Variants in SERTM1 observed in about 807,000 individuals in gnomAD.
SERTM1 encodes serine rich and transmembrane domain containing 1.
In SERTM1, 1 loss-of-function variant was observed where a neutral mutation model predicts 5.5. That is an observed-to-expected ratio of 0.18 (90% CI 0.06 to 0.86). The LOEUF is 0.86. Among genes scored for constraint, SERTM1 ranks in the 40% least tolerant of loss-of-function variants. The pLI, the probability that SERTM1 is intolerant of heterozygous loss-of-function variation, is 0.69. For missense variants in SERTM1, 91 were observed against 122.4 expected, an observed-to-expected ratio of 0.74 and a Z score of 1.21; for synonymous variants, 52 against 55.1, an observed-to-expected ratio of 0.94 and a Z score of 0.25.
At chr13:36,681,599 T>C (rs1413641283) in intron 1 of SERTM1, among the ~76,000 whole-genome samples, 1 of 152,198 alleles carries the variant, frequency 6.6e-6, no homozygotes, top group African/African-American at 2.4e-5. Context: ...TCCCCTACAA[T>C]GATCATGAAG....
intron 1 of SERTM1, among the ~76,000 whole-genome samples, chr13:36,681,760 G>A (rs1394409091): frequency 1.3e-5 from 2 of 152,330 alleles, no homozygotes; most frequent in Non-Finnish European, 2.9e-5. Context: ...TTCAGCCAGA[G>A]CTTCATAGTC....
chr13:36,697,312 A>AATATATATATATATATATAT lies in SERTM1; in HGVS notation c.*1916_*1935dup, dbSNP rs57478418. On this transcript the variant is annotated 3_prime_UTR_variant, in exon 2 of 2. Transcript: ENST00000315190. ...ATACGCACACACACACACACACATA[A>AATATATATATATATATATAT]ATATATATATATATATATATATATA... 2.7e-4 allele frequency: 39 copies of AATATATATATATATATATAT among 143,824 alleles called. No homozygotes were observed. Among genetic ancestry groups the AATATATATATATATATATAT allele is most frequent in the African/African-American group, 1.0e-3 (37 of 36,208 alleles). 8.9% of individuals were successfully genotyped at this position (143,824 alleles called of 1,614,324 possible). A position where few individuals can be genotyped will look rare whatever the true frequency, so the allele number is the denominator to read the frequency against.
At position 36,695,992 on chromosome 13, in the gene SERTM1, T is replaced by C. The variant is rs1214815252; in HGVS notation, c.*590T>C. 4.2e-5 allele frequency: 7 copies of C among 167,138 alleles called. No individual in the cohort carries two copies. Among genetic ancestry groups the C allele is most frequent in the Non-Finnish European group, 1.0e-4 (7 of 68,184 alleles). 10.4% of individuals were successfully genotyped at this position (167,138 alleles called of 1,614,324 possible). A position where few individuals can be genotyped will look rare whatever the true frequency, so the allele number is the denominator to read the frequency against. On this transcript the variant is annotated 3_prime_UTR_variant, in exon 2 of 2. Coordinates refer to ENST00000315190, the MANE Select transcript of SERTM1 (RefSeq NM_203451.3). ...ACACTTATTGATGAATGTAAGTCAT[T>C]TGGGAAAGTTTTGGAAGAGTTTACA...
Position 36,685,901 on chromosome 13 carries a change from T to G in SERTM1, c.-173-9005T>G, listed in dbSNP as rs140543716. ...TGAACCTGGACCACGCTGGCTCTTG[T>G]GGGTTCTCCCTGATCTTCTCACAGA... On this transcript the variant is annotated intron_variant, in intron 1 of 1. Coordinates refer to ENST00000315190, the MANE Select transcript of SERTM1 (RefSeq NM_203451.3). Among the ~76,000 whole-genome samples, 865 of 152,300 alleles carry G rather than the reference T, an allele frequency of 5.7e-3. 23 individuals carry two copies. The highest frequency in any genetic ancestry group is 0.039 in the Admixed American group (601 of 15,296).
chr13:36,691,455 G>A (rs2056777932), intron 1 of SERTM1, among the ~76,000 whole-genome samples: 1 of 152,150 alleles, frequency 6.6e-6, no homozygotes, highest in African/African-American at 2.4e-5. Flanking sequence ...CTTCACTAGG[G>A]GACTGCTTTT....
At position 36,695,417 on chromosome 13, in the gene SERTM1, TC is replaced by T; in HGVS notation, c.*17del. ...TTTCATCCTGAGGAAAATGGAAGAG[TC>T]CTTGAGTGTGGCAGCAGTTTTGACA... On this transcript the variant is annotated 3_prime_UTR_variant, in exon 2 of 2. Coordinates refer to ENST00000315190, the MANE Select transcript of SERTM1 (RefSeq NM_203451.3). 6.3e-7 allele frequency: 1 copy of T among 1,595,358 alleles called. No homozygotes were observed. Among genetic ancestry groups the T allele is most frequent in the Non-Finnish European group, 8.6e-7 (1 of 1,167,346 alleles).
intron 1 of SERTM1, among the ~76,000 whole-genome samples, chr13:36,685,949 T>C (rs2056738324): frequency 6.6e-6 from 1 of 152,192 alleles, no homozygotes. Flanking sequence ...TGGTCCTCAT[T>C]AGAAAACTGC....
chr13:36,674,152 C>A lies in SERTM1; in HGVS notation c.-206C>A, dbSNP rs2056655233. The stretch of plus-strand genomic sequence containing the variant: ...ACCGCCCCACCGCTAGCGCAGGAGA[C>A]CTGCCGGGGAAGTCGCGTGTCCTGA... On this transcript the variant is annotated 5_prime_UTR_variant, in exon 1 of 2. Transcript: ENST00000315190. The A allele has an allele frequency of 6.6e-6, 1 of 152,274 alleles. No individual in the cohort carries two copies. Among genetic ancestry groups the A allele is most frequent in the South Asian group, 2.1e-4 (1 of 4,832 alleles). 9.4% of individuals were successfully genotyped at this position (152,274 alleles called of 1,614,324 possible). A position where few individuals can be genotyped will look rare whatever the true frequency, so the allele number is the denominator to read the frequency against.
chr13:36,693,209 T>A (rs2056790782), intron 1 of SERTM1, among the ~76,000 whole-genome samples: 1 of 152,214 alleles, frequency 6.6e-6, no homozygotes, highest in South Asian at 2.1e-4. Context: ...TTGAACATTT[T>A]AAATAGTTTT....
At chr13:36,684,251 C>A (rs552852743) in intron 1 of SERTM1, among the ~76,000 whole-genome samples, 1 of 151,880 alleles carries the variant, frequency 6.6e-6, no homozygotes, top group South Asian at 2.1e-4. Context: ...GAGCTGAGAT[C>A]GCACCACTGC....
chr13:36,683,754 TAA>T (rs2056721505), intron 1 of SERTM1, among the ~76,000 whole-genome samples: 1 of 152,138 alleles, frequency 6.6e-6, no homozygotes, highest in East Asian at 1.9e-4. Flanking sequence ...TTGGTCAAAA[TAA>T]GTCATACAGT....
chr13:36,676,907 C>T (rs1442897894), intron 1 of SERTM1, among the ~76,000 whole-genome samples: 1 of 152,182 alleles, frequency 6.6e-6, no homozygotes, highest in East Asian at 1.9e-4. Flanking sequence ...TTCCTTTTAG[C>T]CAACATGTGT....
Position 36,697,396 on chromosome 13 carries a change from T to C in SERTM1, c.*1994T>C, listed in dbSNP as rs1233365807. The C allele has an allele frequency of 6.0e-6, 1 of 165,932 alleles. No homozygotes were observed. The highest frequency in any genetic ancestry group is 1.5e-5 in the Non-Finnish European group (1 of 67,968). The allele number at this position is 165,932 out of a possible 1,614,324, so 10.3% of individuals were successfully genotyped here. Reference sequence around the variant, plus strand: ...AGCTACACAGGATTACAGAGGCATCTATATTATCACTTTTGCTCTTTGACT... The same window carrying C: ...AGCTACACAGGATTACAGAGGCATCCATATTATCACTTTTGCTCTTTGACT... On this transcript the variant is annotated 3_prime_UTR_variant, in exon 2 of 2. Coordinates refer to ENST00000315190, the MANE Select transcript of SERTM1 (RefSeq NM_203451.3).
rs770798198 is a variant in SERTM1, at chr13:36,695,187, C to A, written c.109C>A (p.His37Asn). ...CACGTCAGTGGACCCATCCTCAGGC[C>A]ACCTGTCAAACGTCTACATCTATGT... ...LSTSVDPSSG[H>N]LSNVYIYVSI... The change falls in exon 2 of 2, where the codon CAC (histidine) becomes AAC (asparagine). Residue 37 changes from histidine to asparagine, a missense_variant. Physicochemically the swap from His to Asn is moderately conservative, Grantham distance 68. Coordinates refer to ENST00000315190, the MANE Select transcript of SERTM1 (RefSeq NM_203451.3). 1.2e-6 allele frequency: 2 copies of A among 1,614,190 alleles called. No individual in the cohort carries two copies. The highest frequency in any genetic ancestry group is 1.7e-6 in the Non-Finnish European group (2 of 1,180,000).
At chr13:36,693,646 T>G (rs192401255) in intron 1 of SERTM1, among the ~76,000 whole-genome samples, 13 of 152,198 alleles carry the variant, frequency 8.5e-5, no homozygotes, top group Admixed American at 3.3e-4. Flanking sequence ...CAGTGGCAAA[T>G]GTCAACCCCT....
At position 36,697,813 on chromosome 13, in the gene SERTM1, T is replaced by C. The variant is rs1436240655; in HGVS notation, c.*2411T>C. On this transcript the variant is annotated 3_prime_UTR_variant, in exon 2 of 2. Coordinates refer to ENST00000315190, the MANE Select transcript of SERTM1 (RefSeq NM_203451.3). ...TCAGAAAGGTTGGAAGATGGGTTTA[T>C]AAATAAAGAAGTGGAGTCCATTGAA... 6.0e-6 allele frequency: 1 copy of C among 167,058 alleles called. No homozygotes were observed. The highest frequency in any genetic ancestry group is 1.5e-5 in the Non-Finnish European group (1 of 68,114). The allele number at this position is 167,058 out of a possible 1,614,324, so 10.3% of individuals were successfully genotyped here. A position where few individuals can be genotyped will look rare whatever the true frequency, so the allele number is the denominator to read the frequency against.
intron 1 of SERTM1, among the ~76,000 whole-genome samples, chr13:36,681,955 A>G (rs2056707830): frequency 6.6e-6 from 1 of 152,198 alleles, no homozygotes; most frequent in Admixed American, 6.5e-5. Flanking sequence ...TGAAAGACAC[A>G]GTTGGTTGAT....
At position 36,693,427 on chromosome 13, in the gene SERTM1, AC is replaced by A. The variant is rs923245478; in HGVS notation, c.-173-1477del. On this transcript the variant is annotated intron_variant, in intron 1 of 1. Transcript: ENST00000315190. Reference sequence around the variant, plus strand: ...TTTTTTTCCTTAAGGTTGGTTAGGAACCTATAGCAGCCTAATGGAATTAAAA... The same window carrying A: ...TTTTTTTCCTTAAGGTTGGTTAGGAACTATAGCAGCCTAATGGAATTAAAA... Among the ~76,000 whole-genome samples, 25 of 151,190 alleles carry A rather than the reference AC, an allele frequency of 1.7e-4. 1 individual carries two copies. Among genetic ancestry groups the A allele is most frequent in the African/African-American group, 6.1e-4 (25 of 41,084 alleles).
intron 1 of SERTM1, among the ~76,000 whole-genome samples, chr13:36,678,770 C>T (rs184736511): frequency 2.4e-4 from 37 of 151,084 alleles, no homozygotes; most frequent in Admixed American, 1.3e-3. Flanking sequence ...TTTAACTAAT[C>T]TTTGACTCAT....
Sources: gnomAD v4.1 joint callset for allele counts (sites outside exome capture counted in the v4.1 genomes callset) on GRCh38, gnomAD v4.1.1 for gene constraint, MANE v1.5 for transcripts, NCBI Gene and HGNC (gene_info 2026-07-23, HGNC 2026-07-21) for gene names.